DNAAF5: variants seen among roughly 807,000 people sequenced by gnomAD.
DNAAF5 encodes the protein dynein axonemal assembly factor 5.
Under a neutral mutation model 75.8 loss-of-function variants are expected in DNAAF5, and 64 were observed. The observed-to-expected ratio is 0.84, with a 90% CI of 0.69 to 1.04. The LOEUF (loss-of-function observed/expected upper bound fraction) is 1.04, where lower values mean the gene tolerates loss of function less well. DNAAF5 is among the 50% of genes least tolerant of loss of function. The pLI is 0.00. For missense variants in DNAAF5, 1,269 were observed against 1,178.5 expected (o/e 1.08, Z -1.12); for synonymous variants, 657 against 557.2 (o/e 1.18, Z -2.52).
intron 8 of DNAAF5, among the ~76,000 whole-genome samples, chr7:766,908 A>G (rs2128081978): frequency 6.6e-6 from 1 of 152,346 alleles, no homozygotes; most frequent in South Asian, 2.1e-4. Context: ...AGTGGGAACT[A>G]TCCAGCCCTT....
chr7:769,035 C>T (rs1199868612), intron 8 of DNAAF5: 10 of 643,696 alleles, frequency 1.6e-5, no homozygotes, highest in South Asian at 3.4e-5. Flanking sequence ...TCCAAGACAC[C>T]AGCTGGTCTC....
chr7:770,621 A>T lies in DNAAF5; in HGVS notation c.1931+3A>T. On this transcript the variant is annotated splice_donor_region_variant and intron_variant, in intron 9 of 12. Transcript: ENST00000297440. ...ACGGACACCATCAACTCCCAGGGGTAGGTCCGGGCTCTGCCTCTGCACGGC... is the reference window on the plus strand; with the variant it reads ...ACGGACACCATCAACTCCCAGGGGTTGGTCCGGGCTCTGCCTCTGCACGGC... 1 of 1,612,914 alleles carries T rather than the reference A, an allele frequency of 6.2e-7. No homozygotes were observed. The highest frequency in any genetic ancestry group is 8.5e-7 in the Non-Finnish European group (1 of 1,179,718).
At chr7:746,075 G>C (rs1178347093) in intron 4 of DNAAF5, among the ~76,000 whole-genome samples, 3 of 152,214 alleles carry the variant, frequency 2.0e-5, no homozygotes, top group Non-Finnish European at 4.4e-5. Context: ...CTTTTCTCCA[G>C]TCTGTAGATT....
chr7:746,100 G>A (rs962291890), intron 4 of DNAAF5, among the ~76,000 whole-genome samples: 6 of 152,142 alleles, frequency 3.9e-5, no homozygotes, highest in African/African-American at 7.2e-5. Context: ...TTTTAAATAC[G>A]ATTTCTCAGA....
At position 766,208 on chromosome 7, in the gene DNAAF5, G is replaced by T. The variant is rs373457185; in HGVS notation, c.1783+2234G>T. ...CACATGTGTGGTGCTCTTGGGAGTC[G>T]GGGGCACAGCCTCAAATATAATACA... On this transcript the variant is annotated intron_variant, in intron 8 of 12. Coordinates refer to ENST00000297440, the MANE Select transcript of DNAAF5 (RefSeq NM_017802.4). Among the ~76,000 whole-genome samples, 5 of 152,332 alleles carry T rather than the reference G, an allele frequency of 3.3e-5. No individual in the cohort carries two copies. The East Asian group carries it at 5.8e-4, about 18-fold the overall frequency.
At chr7:747,254 C>T (rs1782146085) in intron 4 of DNAAF5, among the ~76,000 whole-genome samples, 1 of 152,246 alleles carries the variant, frequency 6.6e-6, no homozygotes, top group African/African-American at 2.4e-5. Context: ...ATGAGATTTC[C>T]AGGTGCTGCA....
intron 2 of DNAAF5, among the ~76,000 whole-genome samples, chr7:735,520 C>T (rs113165784): frequency 2.1e-4 from 31 of 149,070 alleles, no homozygotes; most frequent in Non-Finnish European, 3.9e-4. Context: ...GATATTGTTG[C>T]TCACGGTTTT....
intron 2 of DNAAF5, among the ~76,000 whole-genome samples, chr7:738,850 G>A (rs946947765): frequency 5.3e-5 from 8 of 152,216 alleles, no homozygotes; most frequent in African/African-American, 1.7e-4. Flanking sequence ...TGTGGGTTCC[G>A]ACAGACAGGT....
chr7:776,609 C>CG, intron 11 of DNAAF5, among the ~76,000 whole-genome samples: 1 of 152,192 alleles, frequency 6.6e-6, no homozygotes, highest in Admixed American at 6.5e-5. Context: ...TCAGTGTCGC[C>CG]GCCTCCTGGA....
At chr7:784,862 A>C (rs1779099085) in intron 12 of DNAAF5, among the ~76,000 whole-genome samples, 2 of 152,218 alleles carry the variant, frequency 1.3e-5, no homozygotes, top group African/African-American at 4.8e-5. Flanking sequence ...TGGTCTGCCC[A>C]CAACTGCCAG....
Position 754,460 on chromosome 7 carries a change from A to T in DNAAF5, c.1025-129A>T. On this transcript the variant is annotated intron_variant, in intron 4 of 12. Transcript: ENST00000297440. The surrounding 1 kb of genome is among the most constrained non-coding windows in gnomAD (Gnocchi z 4.8). ...CGGGGCATTTGTCAGCTTTGCGTCCACCCCAAGACTTGTTTTGAAATGGTG... is the reference window on the plus strand; with the variant it reads ...CGGGGCATTTGTCAGCTTTGCGTCCTCCCCAAGACTTGTTTTGAAATGGTG... 1.3e-6 allele frequency: 1 copy of T among 788,988 alleles called. No homozygotes were observed. Among genetic ancestry groups the T allele is most frequent in the Non-Finnish European group, 2.2e-6 (1 of 462,306 alleles). 48.9% of individuals were successfully genotyped at this position (788,988 alleles called of 1,614,324 possible). A position where few individuals can be genotyped will look rare whatever the true frequency, so the allele number is the denominator to read the frequency against.
chr7:732,928 CT>C (rs1562373893), intron 2 of DNAAF5, among the ~76,000 whole-genome samples: 1 of 152,122 alleles, frequency 6.6e-6, no homozygotes, highest in Non-Finnish European at 1.5e-5. Context: ...AGATTGAGGT[CT>C]TTAATCTATT....
At chr7:764,797 G>A (rs4720893) in intron 8 of DNAAF5, among the ~76,000 whole-genome samples, 20,746 of 152,188 alleles carry the variant, frequency 0.14, 1,650 homozygotes, top group East Asian at 0.28. Flanking sequence ...CTGGCTGGGC[G>A]TGGTGGCTCA....
chr7:780,038 G>A lies in DNAAF5; in HGVS notation c.2325G>A (p.Lys775=). ...STLVTWLQCV[K]GANAKSYYQS... is the part of the protein sequence containing the mutation. ...TGGTCACCTGGCTGCAGTGTGTCAA[G>A]GGTGCCAACGCAAAATCCTACTATC... The change falls in exon 12 of 13, where the codon AAG becomes AAA. Residue 775 remains lysine, a synonymous_variant. Transcript: ENST00000297440. The A allele has an allele frequency of 6.2e-7, 1 of 1,614,216 alleles. No individual in the cohort carries two copies. Among genetic ancestry groups the A allele is most frequent in the Non-Finnish European group, 8.5e-7 (1 of 1,180,018 alleles).
At chr7:755,688 G>A (rs1290777945) in intron 5 of DNAAF5, among the ~76,000 whole-genome samples, 4 of 152,080 alleles carry the variant, frequency 2.6e-5, no homozygotes, top group East Asian at 1.9e-4. Context: ...CTATGATTGC[G>A]CCACTACTCT....
At chr7:747,475 G>T (rs1430683669) in intron 4 of DNAAF5, among the ~76,000 whole-genome samples, 1 of 152,040 alleles carries the variant, frequency 6.6e-6, no homozygotes, top group African/African-American at 2.4e-5. Context: ...GGCCCACGGT[G>T]TTGGTGGGGT....
intron 12 of DNAAF5, among the ~76,000 whole-genome samples, chr7:780,427 A>G (rs1778899169): frequency 6.6e-6 from 1 of 152,264 alleles, no homozygotes; most frequent in South Asian, 2.1e-4. Flanking sequence ...ATTGACACAG[A>G]TGGCTTGTGT....
At chr7:743,282 G>A (rs1781978344) in intron 4 of DNAAF5, among the ~76,000 whole-genome samples, 1 of 152,118 alleles carries the variant, frequency 6.6e-6, no homozygotes, top group Admixed American at 6.5e-5. Context: ...GGCTGAGGTG[G>A]GAGGATCGCT....
intron 2 of DNAAF5, among the ~76,000 whole-genome samples, chr7:732,737 C>G (rs989699866): frequency 6.6e-6 from 1 of 152,108 alleles, no homozygotes; most frequent in Admixed American, 6.5e-5. Flanking sequence ...GGTTGTCAGT[C>G]CCTTGTCAGA....
Sources: allele counts gnomAD v4.1 joint callset (sites outside exome capture counted in the v4.1 genomes callset), GRCh38; gene constraint gnomAD v4.1.1; non-coding constraint Gnocchi (gnomAD v3.1); transcripts MANE v1.5; gene names NCBI Gene and HGNC (gene_info 2026-07-23, HGNC 2026-07-21).